SLC35F1: variants seen among roughly 807,000 people sequenced by gnomAD.
SLC35F1 encodes chromosome 6 open reading frame 169.
In SLC35F1, 14 loss-of-function variants were observed where a neutral mutation model predicts 48.7. The ratio of observed to expected loss-of-function variants is 0.29; its 90% CI spans 0.19 to 0.45. The LOEUF is 0.45. Among genes scored for constraint, SLC35F1 ranks in the 20% least tolerant of loss-of-function variants. The probability of loss-of-function intolerance (pLI) is 1.00; values close to 1 mark genes in which losing one functional copy is unlikely to be tolerated. For missense variants in SLC35F1, 404 were observed against 500.0 expected, an observed-to-expected ratio of 0.81 and a Z score of 1.83; for synonymous variants, 190 against 202.2, an observed-to-expected ratio of 0.94 and a Z score of 0.51.
At chr6:117,923,794 C>CATATATACATATACGCATACATATGT (rs1775974736) in intron 1 of SLC35F1, among the ~76,000 whole-genome samples, 3 of 99,340 alleles carry the variant, frequency 3.0e-5, no homozygotes, top group Non-Finnish European at 5.8e-5. Flanking sequence ...CATATATGTA[C>CATATATACATATACGCATACATATGT]ATATATACAT....
chr6:118,266,603 G>A (rs978318878), intron 3 of SLC35F1, among the ~76,000 whole-genome samples: 8 of 151,970 alleles, frequency 5.3e-5, no homozygotes, highest in Non-Finnish European at 1.0e-4. Flanking sequence ...GGATCTACTC[G>A]TAAAATAGGG....
At chr6:118,037,761 A>G (rs1175122486) in intron 1 of SLC35F1, among the ~76,000 whole-genome samples, 1 of 151,992 alleles carries the variant, frequency 6.6e-6, no homozygotes, top group Non-Finnish European at 1.5e-5. Context: ...CAGCAAACTA[A>G]CACAGGAAAA....
At chr6:117,997,877 A>C (rs1402492470) in intron 1 of SLC35F1, among the ~76,000 whole-genome samples, 1 of 152,182 alleles carries the variant, frequency 6.6e-6, no homozygotes, top group Non-Finnish European at 1.5e-5. Context: ...TAACGAGCAA[A>C]ATAACCAGCT....
At chr6:118,127,146 A>G (rs1390326896) in intron 1 of SLC35F1, among the ~76,000 whole-genome samples, 4 of 150,790 alleles carry the variant, frequency 2.7e-5, no homozygotes, top group African/African-American at 7.3e-5. Flanking sequence ...TTATTTTGAG[A>G]TACGTCCCAT....
intron 2 of SLC35F1, among the ~76,000 whole-genome samples, chr6:118,183,685 A>G (rs1442225115): frequency 1.3e-5 from 2 of 152,072 alleles, no homozygotes; most frequent in African/African-American, 2.4e-5. Flanking sequence ...TAGGATCTCA[A>G]ACTAGGTAAT....
intron 2 of SLC35F1, among the ~76,000 whole-genome samples, chr6:118,225,089 G>A (rs970604652): frequency 1.3e-5 from 2 of 152,118 alleles, no homozygotes; most frequent in African/African-American, 4.8e-5. Flanking sequence ...CTGTTAAAAT[G>A]ACAGTATCAC....
intron 2 of SLC35F1, among the ~76,000 whole-genome samples, chr6:118,199,848 C>A (rs1774850451): frequency 6.6e-6 from 1 of 152,154 alleles, no homozygotes; most frequent in Non-Finnish European, 1.5e-5. Flanking sequence ...TCTAGCTAGA[C>A]AGGACACATA....
rs576344613 is a variant in SLC35F1, at chr6:118,095,562, T to A, written c.174-58883T>A. ...ACAGCTGTAGGAATCAGTTAATTTC[T>A]ATAGGCCCGTGTACTGAAGAAATTA... On this transcript the variant is annotated intron_variant, in intron 1 of 7. Coordinates refer to ENST00000360388, the MANE Select transcript of SLC35F1 (RefSeq NM_001029858.4). 8.7e-3 allele frequency among the ~76,000 whole-genome samples: 1,322 copies of A among 152,336 alleles called. 19 individuals carry two copies. Among genetic ancestry groups the A allele is most frequent in the African/African-American group, 0.03 (1,251 of 41,570 alleles).
intron 4 of SLC35F1, among the ~76,000 whole-genome samples, chr6:118,272,923 T>A (rs1264203530): frequency 6.7e-6 from 1 of 149,566 alleles, no homozygotes; most frequent in Non-Finnish European, 1.5e-5. Context: ...AACACTTCAT[T>A]ATATAATATA....
intron 2 of SLC35F1, among the ~76,000 whole-genome samples, chr6:118,205,745 A>G (rs968503403): frequency 6.6e-6 from 1 of 152,260 alleles, no homozygotes; most frequent in Non-Finnish European, 1.5e-5. Context: ...ACAAGTGTCC[A>G]TTCACAGATG....
At chr6:118,251,405 AC>A (rs1554240659) in intron 3 of SLC35F1, among the ~76,000 whole-genome samples, 2 of 152,200 alleles carry the variant, frequency 1.3e-5, no homozygotes, top group Non-Finnish European at 2.9e-5. Context: ...AATACTGTTA[AC>A]TATAGGCAAA....
intron 1 of SLC35F1, among the ~76,000 whole-genome samples, chr6:118,008,048 G>A (rs539082060): frequency 2.0e-5 from 3 of 152,178 alleles, no homozygotes; most frequent in South Asian, 2.1e-4. Context: ...ATGGATATTT[G>A]CTCTTTCCAG....
intron 7 of SLC35F1, among the ~76,000 whole-genome samples, chr6:118,304,396 A>AT (rs1562356800): frequency 2.7e-5 from 2 of 73,358 alleles, no homozygotes; most frequent in South Asian, 8.9e-4. Context: ...GAAGAAAAGA[A>AT]AAGAAGAAGA....
chr6:118,124,615 C>T (rs1020342888), intron 1 of SLC35F1, among the ~76,000 whole-genome samples: 1 of 152,104 alleles, frequency 6.6e-6, no homozygotes. Flanking sequence ...CCGGCCCAGG[C>T]TGACAAGACC....
intron 1 of SLC35F1, among the ~76,000 whole-genome samples, chr6:117,955,883 G>A (rs1465171889): frequency 3.3e-5 from 5 of 152,192 alleles, no homozygotes; most frequent in African/African-American, 1.2e-4. Flanking sequence ...ATAAAAAGCA[G>A]AAGTGAAAAC....
At chr6:117,988,690 T>G (rs945912857) in intron 1 of SLC35F1, among the ~76,000 whole-genome samples, 1 of 152,206 alleles carries the variant, frequency 6.6e-6, no homozygotes, top group Non-Finnish European at 1.5e-5. Flanking sequence ...GCACAAAAAG[T>G]TCCCCTGGAA....
chr6:118,104,575 C>T (rs190071944), intron 1 of SLC35F1, among the ~76,000 whole-genome samples: 26 of 152,144 alleles, frequency 1.7e-4, no homozygotes, highest in Admixed American at 1.4e-3. Context: ...CAAGTTCAGC[C>T]ACTACAGAAG....
chr6:117,979,042 G>A (rs907470949), intron 1 of SLC35F1, among the ~76,000 whole-genome samples: 7 of 152,162 alleles, frequency 4.6e-5, no homozygotes, highest in Non-Finnish European at 8.8e-5. Context: ...CGCATGCCTA[G>A]TGTTATTAAT....
At chr6:118,019,633 G>C (rs1777368222) in intron 1 of SLC35F1, among the ~76,000 whole-genome samples, 1 of 151,450 alleles carries the variant, frequency 6.6e-6, no homozygotes, top group African/African-American at 2.4e-5. Flanking sequence ...AAAAAAAAAA[G>C]AAATGGGTAG....
Sources: allele counts gnomAD v4.1 joint callset (sites outside exome capture counted in the v4.1 genomes callset), GRCh38; gene constraint gnomAD v4.1.1; transcripts MANE v1.5; gene names NCBI Gene and HGNC (gene_info 2026-07-23, HGNC 2026-07-21).